CSMD1: variants seen among roughly 807,000 people sequenced by gnomAD.
The protein encoded by CSMD1 is CUB and Sushi multiple domains 1.
In CSMD1, 213 loss-of-function variants were observed where a neutral mutation model predicts 417.5. The ratio of observed to expected loss-of-function variants is 0.51; its 90% CI spans 0.46 to 0.57. The LOEUF is 0.57. CSMD1 is among the 20% of genes least tolerant of loss of function. CSMD1 has a pLI of 0.00. For synonymous variants in CSMD1, 2,862 were observed against 1,736.8 expected, an observed-to-expected ratio of 1.65 and a Z score of -16.11; for missense variants, 6,923 against 4,529.7, an observed-to-expected ratio of 1.53 and a Z score of -15.17.
rs981210775 is a variant in CSMD1, at chr8:3,811,388, G to A, written c.819-57346C>T. On this transcript the variant is annotated intron_variant, in intron 5 of 69. Transcript: ENST00000635120. ...TTTACCTGTGATTCTTACTTGTTCTGATCTATAGACCATGTAGTAAGGCAT... is the reference window on the plus strand; with the variant it reads ...TTTACCTGTGATTCTTACTTGTTCTAATCTATAGACCATGTAGTAAGGCAT... Among the ~76,000 whole-genome samples, 6 of 152,224 alleles carry A rather than the reference G, an allele frequency of 3.9e-5. No individual in the cohort carries two copies. In the East Asian group the frequency reaches 9.7e-4, roughly 25 times the overall value.
At chr8:3,472,430 A>C (rs1817159808) in intron 11 of CSMD1, among the ~76,000 whole-genome samples, 1 of 152,118 alleles carries the variant, frequency 6.6e-6, no homozygotes, top group East Asian at 1.9e-4. Context: ...GTACTCTGCT[A>C]TTCTGTCTTT....
At chr8:3,500,729 G>C (rs1796565587) in intron 10 of CSMD1, among the ~76,000 whole-genome samples, 1 of 152,148 alleles carries the variant, frequency 6.6e-6, no homozygotes, top group Admixed American at 6.5e-5. Context: ...TGAGACGTGT[G>C]GGCTTGACTG....
At chr8:4,559,000 T>C (rs1798213618) in intron 2 of CSMD1, among the ~76,000 whole-genome samples, 1 of 152,236 alleles carries the variant, frequency 6.6e-6, no homozygotes, top group South Asian at 2.1e-4. Flanking sequence ...TATTGTTTCT[T>C]GATTGTACAT....
At chr8:3,396,155 T>G in intron 17 of CSMD1, 39 bp downstream of exon 17, 1 of 1,520,346 alleles carries the variant, frequency 6.6e-7, no homozygotes, top group South Asian at 1.2e-5. Context: ...CTCCCATGCA[T>G]GCTGCCCTGC....
chr8:3,787,471 A>G (rs570803279), intron 5 of CSMD1, among the ~76,000 whole-genome samples: 1 of 152,264 alleles, frequency 6.6e-6, no homozygotes, highest in Non-Finnish European at 1.5e-5. Flanking sequence ...TGAAAAACAA[A>G]GTAGTGATTA....
At chr8:3,752,845 G>A (rs563767728) in intron 6 of CSMD1, among the ~76,000 whole-genome samples, 8 of 152,132 alleles carry the variant, frequency 5.3e-5, no homozygotes, top group South Asian at 2.1e-4. Context: ...TTCATTCCCC[G>A]CAACTGACCC....
At chr8:4,820,665 C>CCAT (rs1418459656) in intron 1 of CSMD1, among the ~76,000 whole-genome samples, 1 of 152,094 alleles carries the variant, frequency 6.6e-6, no homozygotes, top group African/African-American at 2.4e-5. Flanking sequence ...CTGTGCTTTG[C>CCAT]CATCATTCAA....
intron 2 of CSMD1, among the ~76,000 whole-genome samples, chr8:4,451,878 T>G (rs1799168092): frequency 6.6e-6 from 1 of 151,570 alleles, no homozygotes; most frequent in African/African-American, 2.4e-5. Context: ...AAACCTCATG[T>G]GTTCTCTTTT....
chr8:4,834,959 A>G (rs1800379532), intron 1 of CSMD1, among the ~76,000 whole-genome samples: 1 of 35,206 alleles, frequency 2.8e-5, no homozygotes, highest in African/African-American at 5.6e-5. Context: ...TCCATCTCAA[A>G]AAAAAAAAAA....
chr8:4,256,628 C>G (rs1336254868), intron 3 of CSMD1, among the ~76,000 whole-genome samples: 3 of 152,058 alleles, frequency 2.0e-5, no homozygotes, highest in South Asian at 2.1e-4. Context: ...TCAGTGAGAC[C>G]CATGAAAGGG....
At chr8:3,958,243 C>A (rs755731657) in intron 5 of CSMD1, among the ~76,000 whole-genome samples, 1 of 151,924 alleles carries the variant, frequency 6.6e-6, no homozygotes, top group Non-Finnish European at 1.5e-5. Context: ...TAGACTACGT[C>A]TTCCATCGTT....
chr8:2,980,308 C>T (rs1307276976), intron 54 of CSMD1, among the ~76,000 whole-genome samples: 1 of 150,558 alleles, frequency 6.6e-6, no homozygotes, highest in African/African-American at 2.4e-5. Flanking sequence ...GAGCTGATGC[C>T]ACCATTTCTC....
intron 21 of CSMD1, among the ~76,000 whole-genome samples, chr8:3,348,470 G>C (rs1024568443): frequency 1.4e-4 from 22 of 152,118 alleles, no homozygotes; most frequent in Non-Finnish European, 1.5e-5. Flanking sequence ...TGGCTCACTG[G>C]CTGTGTCGTC....
chr8:3,826,069 G>T (rs930446204), intron 5 of CSMD1, among the ~76,000 whole-genome samples: 6 of 152,116 alleles, frequency 3.9e-5, no homozygotes, highest in East Asian at 3.9e-4. Flanking sequence ...GACATCTTTT[G>T]TAACACCCAA....
At chr8:4,332,552 T>TACACACACACAC (rs368534632) in intron 3 of CSMD1, among the ~76,000 whole-genome samples, 10 of 128,746 alleles carry the variant, frequency 7.8e-5, no homozygotes, top group Non-Finnish European at 1.5e-4. Flanking sequence ...TGATATCACA[T>TACACACACACAC]ACACACACAC....
intron 3 of CSMD1, among the ~76,000 whole-genome samples, chr8:4,365,446 C>G (rs887279035): frequency 5.3e-5 from 8 of 152,116 alleles, no homozygotes; most frequent in Admixed American, 4.6e-4. Context: ...GACAACATTT[C>G]TTTTTAGATT....
At chr8:3,256,383 AG>A (rs1238650612) in intron 26 of CSMD1, among the ~76,000 whole-genome samples, 3 of 151,986 alleles carry the variant, frequency 2.0e-5, no homozygotes, top group African/African-American at 7.3e-5. Context: ...TAACAATGGC[AG>A]TAGGCAGACA....
chr8:4,645,395 A>G (rs1803455050), intron 1 of CSMD1, among the ~76,000 whole-genome samples: 1 of 137,826 alleles, frequency 7.3e-6, no homozygotes, highest in East Asian at 2.3e-4. Context: ...TTCAGTGTGT[A>G]CCCACTCTGA....
In CSMD1 at chr8:3,604,299, C is replaced by CG. The variant is rs111728496; in HGVS notation, c.1097+12410dup. Among the ~76,000 whole-genome samples the CG allele has an allele frequency of 3.2e-3, 480 of 150,454 alleles. 1 individual carries two copies. The highest frequency in any genetic ancestry group is 7.5e-3 in the African/African-American group (308 of 40,862). On this transcript the variant is annotated intron_variant, in intron 8 of 69. Transcript: ENST00000635120. ...TCAAAGGCCAGAGGGAGGGAGGCTG[C>CG]GGGGGGGGACCAAAGGTCCATTTCA...
Sources: gnomAD v4.1 joint callset for allele counts (sites outside exome capture counted in the v4.1 genomes callset) on GRCh38, gnomAD v4.1.1 for gene constraint, MANE v1.5 for transcripts, NCBI Gene and HGNC (gene_info 2026-07-23, HGNC 2026-07-21) for gene names.